The following SLC9A9 variants were observed in gnomAD, a reference collection of about 807,000 sequenced individuals.
The protein encoded by SLC9A9 is sodium/hydrogen exchanger 9.
In SLC9A9, 62 loss-of-function variants were observed where a neutral mutation model predicts 77.8. The observed-to-expected ratio is 0.80, with a 90% confidence interval of 0.65 to 0.98. SLC9A9 has a LOEUF of 0.98. SLC9A9 is among the 50% of genes least tolerant of loss of function. The pLI is 0.00. For missense variants in SLC9A9, 775 were observed against 774.9 expected, an observed-to-expected ratio of 1.00 and a Z score of 0.00; for synonymous variants, 320 against 283.5, an observed-to-expected ratio of 1.13 and a Z score of -1.29.
At position 143,383,486 on chromosome 3, in the gene SLC9A9, A is replaced by C. The variant is rs990716932; in HGVS notation, c.1470-1372T>G. 4.6e-5 allele frequency among the ~76,000 whole-genome samples: 7 copies of C among 152,350 alleles called. No homozygotes were observed. The South Asian group carries it at 1.4e-3, about 32-fold the overall frequency. ...AGAAGTATGAGGAAAAGGAAGCTGT[A>C]GTGGAAAGAAACAGCAGTTGAACCC... On this transcript the variant is annotated intron_variant, in intron 12 of 15. Coordinates refer to ENST00000316549, the MANE Select transcript of SLC9A9 (RefSeq NM_173653.4).
chr3:143,426,992 A>G (rs1181889326), intron 12 of SLC9A9, among the ~76,000 whole-genome samples: 2 of 152,216 alleles, frequency 1.3e-5, no homozygotes, highest in African/African-American at 4.8e-5. Flanking sequence ...CAGCCGCTAC[A>G]GTTTACTGGT....
In SLC9A9 at chr3:143,693,302, A is replaced by C; in HGVS notation, c.539T>G (p.Ile180Ser). 6.2e-7 allele frequency: 1 copy of C among 1,612,060 alleles called. No individual in the cohort carries two copies. The highest frequency in any genetic ancestry group is 8.5e-7 in the Non-Finnish European group (1 of 1,178,374). The change falls in exon 5 of 16, where the codon ATT (isoleucine) becomes AGT (serine). Residue 180 changes from isoleucine to serine, a missense_variant. Transcript: ENST00000316549. Reference protein sequence around the residue: ...TAISCIVIGLIMYGFVKAMIH... With the variant: ...TAISCIVIGLSMYGFVKAMIH... ...CATAGCCTTCACAAAACCATACATAATTAACCTGTTGAAGAGAAAAACATG... is the reference window on the plus strand; with the variant it reads ...CATAGCCTTCACAAAACCATACATACTTAACCTGTTGAAGAGAAAAACATG...
chr3:143,287,434 T>G (rs1938414252), intron 14 of SLC9A9, among the ~76,000 whole-genome samples: 1 of 152,188 alleles, frequency 6.6e-6, no homozygotes, highest in African/African-American at 2.4e-5. Context: ...ACCCCATCTT[T>G]ATACTCTGGA....
At chr3:143,463,926 C>T (rs1287768793) in intron 12 of SLC9A9, among the ~76,000 whole-genome samples, 1 of 152,090 alleles carries the variant, frequency 6.6e-6, no homozygotes, top group Non-Finnish European at 1.5e-5. Flanking sequence ...CATATTAATA[C>T]TATCAATTTT....
intron 12 of SLC9A9, among the ~76,000 whole-genome samples, chr3:143,411,134 C>T (rs9854649): frequency 0.013 from 2,014 of 152,194 alleles, 33 homozygotes; most frequent in Non-Finnish European, 0.017. Context: ...GGTGTCATTT[C>T]GGTGTTCTCT....
At chr3:143,695,709 G>A (rs1160655888) in intron 4 of SLC9A9, among the ~76,000 whole-genome samples, 2 of 152,152 alleles carry the variant, frequency 1.3e-5, no homozygotes, top group Admixed American at 1.3e-4. Context: ...TAATGGGATT[G>A]CTGGGTCAAA....
At chr3:143,459,882 G>A (rs1229163867) in intron 12 of SLC9A9, among the ~76,000 whole-genome samples, 1 of 152,110 alleles carries the variant, frequency 6.6e-6, no homozygotes, top group Non-Finnish European at 1.5e-5. Flanking sequence ...AATACAATGG[G>A]AATTCTCCCC....
intron 2 of SLC9A9, among the ~76,000 whole-genome samples, chr3:143,815,148 C>T (rs893270617): frequency 1.3e-5 from 2 of 152,280 alleles, no homozygotes; most frequent in African/African-American, 2.4e-5. Context: ...GTGATAAGAG[C>T]AGCAAAATTA....
intron 4 of SLC9A9, among the ~76,000 whole-genome samples, chr3:143,759,649 C>A (rs2007048595): frequency 6.6e-6 from 1 of 151,864 alleles, no homozygotes; most frequent in South Asian, 2.1e-4. Context: ...ATAAGAAATA[C>A]CCCCGTTTTT....
intron 4 of SLC9A9, among the ~76,000 whole-genome samples, chr3:143,706,981 G>T (rs892631354): frequency 6.6e-6 from 1 of 152,154 alleles, no homozygotes; most frequent in Admixed American, 6.5e-5. Context: ...AGAGGAGGCT[G>T]GTTAGTGAAT....
intron 4 of SLC9A9, among the ~76,000 whole-genome samples, chr3:143,728,573 G>A (rs943472855): frequency 6.6e-6 from 1 of 152,106 alleles, no homozygotes; most frequent in African/African-American, 2.4e-5. Context: ...AGAAGGCATG[G>A]AATTTCAAGC....
chr3:143,502,920 A>G (rs2035949256), intron 9 of SLC9A9, among the ~76,000 whole-genome samples: 1 of 152,190 alleles, frequency 6.6e-6, no homozygotes, highest in Admixed American at 6.5e-5. Flanking sequence ...ATTTTTATAT[A>G]CTATTAAGTA....
Position 143,691,698 on chromosome 3 carries a change from C to T in SLC9A9, c.649+1494G>A, listed in dbSNP as rs190654638. Reference sequence around the variant, plus strand: ...CTAAATAAGACTTAACTAAGATGCCCAGTCTTGGAGTTATTCCCACTTCCT... The same window carrying T: ...CTAAATAAGACTTAACTAAGATGCCTAGTCTTGGAGTTATTCCCACTTCCT... On this transcript the variant is annotated intron_variant, in intron 5 of 15. Coordinates refer to ENST00000316549, the MANE Select transcript of SLC9A9 (RefSeq NM_173653.4). 1.9e-3 allele frequency among the ~76,000 whole-genome samples: 287 copies of T among 152,140 alleles called. 1 individual carries two copies. The highest frequency in any genetic ancestry group is 3.4e-3 in the Non-Finnish European group (233 of 67,974).
intron 4 of SLC9A9, among the ~76,000 whole-genome samples, chr3:143,719,876 G>A (rs550038660): frequency 2.9e-4 from 44 of 152,004 alleles, no homozygotes; most frequent in African/African-American, 9.9e-4. Context: ...GAAATCAATC[G>A]GAGTCAGAGG....
At chr3:143,369,839 G>C (rs1450046030) in intron 13 of SLC9A9, among the ~76,000 whole-genome samples, 2 of 152,162 alleles carry the variant, frequency 1.3e-5, no homozygotes, top group Non-Finnish European at 2.9e-5. Flanking sequence ...CTTGGACCAT[G>C]TGCTCTGAGA....
rs186074930 is a variant in SLC9A9, at chr3:143,447,011, A to G, written c.1469+20026T>C. ...AGAGACACATGTGTTGAAAGCCATG[A>G]TCAATATTCTGCCTTCCTGTTTCCC... On this transcript the variant is annotated intron_variant, in intron 12 of 15. Transcript: ENST00000316549. Among the ~76,000 whole-genome samples the G allele has an allele frequency of 5.1e-4, 77 of 152,296 alleles. 1 individual carries two copies. In the East Asian group the frequency reaches 0.013, roughly 26 times the overall value.
chr3:143,632,358 G>C (rs2038442101), intron 6 of SLC9A9, among the ~76,000 whole-genome samples: 1 of 152,122 alleles, frequency 6.6e-6, no homozygotes, highest in Admixed American at 6.6e-5. Context: ...TAATGGAATG[G>C]AGAGTTTATA....
At chr3:143,281,146 C>A (rs1185527232) in intron 14 of SLC9A9, among the ~76,000 whole-genome samples, 1 of 152,224 alleles carries the variant, frequency 6.6e-6, no homozygotes, top group African/African-American at 2.4e-5. Flanking sequence ...GGCTGACCCT[C>A]TCCCTGTTAC....
chr3:143,556,827 C>A (rs2036991208), intron 8 of SLC9A9, among the ~76,000 whole-genome samples: 1 of 152,154 alleles, frequency 6.6e-6, no homozygotes, highest in Admixed American at 6.5e-5. Context: ...TTCTTGGAAA[C>A]CACAGTTTTC....
Sources: gnomAD v4.1 joint callset for allele counts (sites outside exome capture counted in the v4.1 genomes callset) on GRCh38, gnomAD v4.1.1 for gene constraint, MANE v1.5 for transcripts, NCBI Gene and HGNC (gene_info 2026-07-23, HGNC 2026-07-21) for gene names.